The following NLRP7 variants were observed in gnomAD, a reference collection of about 807,000 sequenced individuals.
NLRP7 encodes NACHT, LRR and PYD domains-containing protein 7.
A neutral mutation model predicts 85.5 loss-of-function variants in NLRP7; 72 were observed. The ratio of observed to expected loss-of-function variants is 0.84; its 90% confidence interval spans 0.70 to 1.02. The LOEUF (loss-of-function observed/expected upper bound fraction) is 1.02, where lower values mean the gene tolerates loss of function less well. NLRP7 is among the 50% of genes least tolerant of loss of function. NLRP7 has a pLI of 0.00. For missense variants in NLRP7, 1,243 were observed against 1,219.5 expected, an observed-to-expected ratio of 1.02 and a Z score of -0.29; for synonymous variants, 550 against 505.2, an observed-to-expected ratio of 1.09 and a Z score of -1.19.
chr19:54,933,574 G>C (rs1469564739), exon 8 of NLRP7: 1 of 1,614,124 alleles, frequency 6.2e-7, no homozygotes, highest in South Asian at 1.1e-5. Flanking sequence ...CTTACACCAA[G>C]GTCTGCAGTT....
intron 1 of NLRP7, among the ~76,000 whole-genome samples, chr19:54,944,612 G>C (rs577468357): frequency 2.0e-5 from 3 of 151,708 alleles, no homozygotes; most frequent in Non-Finnish European, 2.9e-5. Context: ...TCAGTCTCTC[G>C]TCCCACCTGA....
intron 1 of NLRP7, among the ~76,000 whole-genome samples, chr19:54,953,595 G>A (rs2069746015): frequency 6.6e-6 from 1 of 151,962 alleles, no homozygotes; most frequent in East Asian, 1.9e-4. Flanking sequence ...CTGGGGCGCG[G>A]GGCTGTCTGC....
chr19:54,954,672 C>T (rs1240128542), intron 1 of NLRP7, among the ~76,000 whole-genome samples: 2 of 151,842 alleles, frequency 1.3e-5, no homozygotes, highest in African/African-American at 4.8e-5. Flanking sequence ...TGGTGAAACC[C>T]CATCTCTTAC....
rs1009113953 is a variant in NLRP7 at position 54,934,026 on chromosome 19, C to T, written c.2472-287G>A. 7.9e-5 allele frequency among the ~76,000 whole-genome samples: 12 copies of T among 152,148 alleles called. No homozygotes were observed. The highest frequency in any genetic ancestry group is 1.7e-4 in the African/African-American group (7 of 41,446). On this transcript the variant is annotated intron_variant, in intron 7 of 9. Transcript: ENST00000340844. This position sits in a 1 kb window ranked among gnomAD's most constrained non-coding sequence, Gnocchi z 6.7. ...GGCGCGATCTCGGTTCACTGCCAATCGCCGCCTCCCAGGTTTACACCATTC... is the reference window on the plus strand; with the variant it reads ...GGCGCGATCTCGGTTCACTGCCAATTGCCGCCTCCCAGGTTTACACCATTC...
Position 54,953,995 on chromosome 19 carries a change from A to C in NLRP7, c.-76-6490T>G, listed in dbSNP as rs145285588. ...GCACTCCAGCCTGGGTGACAGAGCG[A>C]GACTCCGTCTCAAAAAAATAAAAAA... On this transcript the variant is annotated intron_variant, in intron 1 of 2. Coordinates refer to the NLRP7 transcript ENST00000587103. Among the ~76,000 whole-genome samples the C allele has an allele frequency of 6.4e-3, 973 of 151,704 alleles. 12 individuals carry two copies. Among genetic ancestry groups the C allele is most frequent in the African/African-American group, 0.023 (937 of 41,360 alleles).
chr19:54,961,496 C>T (rs1027293039), intron 1 of NLRP7, among the ~76,000 whole-genome samples: 13 of 147,704 alleles, frequency 8.8e-5, no homozygotes, highest in Non-Finnish European at 1.9e-4. Context: ...GAGACTTCAT[C>T]TCTAAATAAA....
chr19:54,937,593 G>A lies in NLRP7; in HGVS notation c.2129+451C>T, dbSNP rs775877. The stretch of plus-strand genomic sequence containing the variant: ...GGTGACAGAGTGAAACTCTGTCTCA[G>A]AAAAAATAAAAAATAAAAAAGGGGC... On this transcript the variant is annotated intron_variant, in intron 5 of 9. Transcript: ENST00000340844. 0.7 allele frequency among the ~76,000 whole-genome samples: 104,910 copies of A among 150,572 alleles called. 37,736 individuals are homozygous for A. Among genetic ancestry groups the A allele is most frequent in the African/African-American group, 0.9 (37,006 of 41,174 alleles).
At position 54,934,339 on chromosome 19, in the gene NLRP7, T is replaced by C. The variant is rs911960478; in HGVS notation, c.2471+150A>G. 7.4e-6 allele frequency: 6 copies of C among 812,198 alleles called. No homozygotes were observed. The highest frequency in any genetic ancestry group is 5.1e-5 in the African/African-American group (3 of 59,390). 50.3% of individuals were successfully genotyped at this position (812,198 alleles called of 1,614,324 possible). ...TGATCCGCCCACCTCTCTGCTGAGATTACAGGCAGGAGCCACCGTGCCGGG... is the reference window on the plus strand; with the variant it reads ...TGATCCGCCCACCTCTCTGCTGAGACTACAGGCAGGAGCCACCGTGCCGGG... On this transcript the variant is annotated intron_variant, in intron 7 of 9. Coordinates refer to ENST00000340844, the Ensembl canonical transcript of NLRP7. This position sits in a 1 kb window ranked among gnomAD's most constrained non-coding sequence, Gnocchi z 6.7.
Position 54,927,803 on chromosome 19 carries a change from G to A in NLRP7, c.2810+2696C>T, listed in dbSNP as rs116109745. 1.8e-3 allele frequency: 2,814 copies of A among 1,604,258 alleles called. 37 individuals are homozygous for A. In the African/African-American group the frequency reaches 0.028, roughly 16 times the overall value. On this transcript the variant is annotated intron_variant, in intron 9 of 9. Coordinates refer to ENST00000340844, the Ensembl canonical transcript of NLRP7. ...GTTGAGGAAGAACATGGAAATCCAC[G>A]CATTCACTGAGCAGGTAGTGGCTCA...
In NLRP7 at chr19:54,939,302, C is replaced by G. The variant is rs1208687424; in HGVS notation, c.1517G>C (p.Gly506Ala). The change falls in exon 4 of 10, where the codon GGA becomes GCA. Residue 506 changes from glycine (G) to alanine (A), a missense_variant. This residue lies in a region of NLRP7 where 613 missense variants were observed against 588.4 expected (regional missense o/e 1.04). Transcript: ENST00000340844. ...GTCGGGGTTCTTGAGTCTTTCTTCT[C>G]CGGAAAGCAGCTTCTGTACGTCCCC... 6 of 1,614,120 alleles carry G rather than the reference C, an allele frequency of 3.7e-6. No homozygotes were observed. In the Admixed American group the frequency reaches 6.7e-5, roughly 18 times the overall value.
chr19:54,948,698 T>C (rs750115730), upstream of NLRP7, among the ~76,000 whole-genome samples: 1 of 152,136 alleles, frequency 6.6e-6, no homozygotes, highest in Non-Finnish European at 1.5e-5. Flanking sequence ...GCTTCCCAAG[T>C]AGCTGGGACT....
At chr19:54,948,443 C>T (rs547982083), upstream of NLRP7, among the ~76,000 whole-genome samples, 2 of 152,144 alleles carry the variant, frequency 1.3e-5, no homozygotes, top group South Asian at 4.2e-4. Context: ...CCCAGCTATT[C>T]AGGAGGCTGA....
At chr19:54,932,278 A>AT (rs1344746538) in intron 8 of NLRP7, among the ~76,000 whole-genome samples, 2 of 152,042 alleles carry the variant, frequency 1.3e-5, no homozygotes, top group Admixed American at 1.3e-4. Context: ...AAGTGCAAAA[A>AT]TTAGCCAGGC....
intron 1 of NLRP7, among the ~76,000 whole-genome samples, chr19:54,944,106 G>A (rs1296742066): frequency 6.6e-6 from 1 of 152,076 alleles, no homozygotes; most frequent in African/African-American, 2.4e-5. Context: ...AAGGCCTCGT[G>A]GGAAGGGAAA....
chr19:54,943,196 G>A (rs1014370498), intron 1 of NLRP7, among the ~76,000 whole-genome samples: 6 of 151,818 alleles, frequency 4.0e-5, no homozygotes, highest in Admixed American at 2.0e-4. Flanking sequence ...CGTAGTCCCA[G>A]ATACTTGGGA....
chr19:54,964,243 G>T (rs1227143018), intron 1 of NLRP7, among the ~76,000 whole-genome samples: 1 of 106,568 alleles, frequency 9.4e-6, no homozygotes, highest in Non-Finnish European at 1.8e-5. Context: ...TTGAGATGGA[G>T]CCTTGCTCTG....
Position 54,934,658 on chromosome 19 carries a change from A to G in NLRP7, c.2302T>C (p.Leu768=). ...TCCGGGGTGGCACAGTGACCTCCCAACCTGTGAAAAGAGTGGGAAAAGTCA... is the reference window on the plus strand; with the variant it reads ...TCCGGGGTGGCACAGTGACCTCCCAGCCTGTGAAAAGAGTGGGAAAAGTCA... The change falls in exon 7 of 10, where the codon TTG becomes CTG. Residue 768 remains leucine (L), a splice_region_variant and synonymous_variant. Coordinates refer to ENST00000340844, the Ensembl canonical transcript of NLRP7. The surrounding 1 kb of genome is among the most constrained non-coding windows in gnomAD (Gnocchi z 6.7). 1 of 1,612,158 alleles carries G rather than the reference A, an allele frequency of 6.2e-7. No homozygotes were observed. Among genetic ancestry groups the G allele is most frequent in the Non-Finnish European group, 8.5e-7 (1 of 1,179,218 alleles).
exon 4 of NLRP7, chr19:54,939,189 G>A: frequency 6.2e-7 from 1 of 1,614,224 alleles, no homozygotes; most frequent in Non-Finnish European, 8.5e-7. Flanking sequence ...TTGATGTCCG[G>A]TGACATCCGG....
chr19:54,958,224 G>C (rs538284339), intron 1 of NLRP7, among the ~76,000 whole-genome samples: 3 of 152,164 alleles, frequency 2.0e-5, no homozygotes, highest in African/African-American at 7.2e-5. Flanking sequence ...GAGACAGAGA[G>C]GGACAGGGAA....
Sources: gnomAD v4.1 joint callset for allele counts (sites outside exome capture counted in the v4.1 genomes callset) on GRCh38, gnomAD v4.1.1 for gene constraint, gnomAD v4.1.1 regional missense constraint, Gnocchi (gnomAD v3.1) non-coding constraint, MANE v1.5 for transcripts, NCBI Gene and HGNC (gene_info 2026-07-23, HGNC 2026-07-21) for gene names.